The following SLC3A1 variants were observed in gnomAD, a reference collection of about 807,000 sequenced individuals.
The protein encoded by SLC3A1 is amino acid transporter heavy chain SLC3A1.
Under a neutral mutation model 60.3 loss-of-function variants are expected in SLC3A1, and 78 were observed. The observed-to-expected ratio is 1.29, with a 90% CI of 1.08 to 1.56. The LOEUF (loss-of-function observed/expected upper bound fraction) is 1.56, where lower values mean the gene tolerates loss of function less well. Ranked by LOEUF, SLC3A1 falls within the 40% of genes most tolerant of loss-of-function variation. SLC3A1 has a pLI of 0.00. For synonymous variants in SLC3A1, 392 were observed against 307.9 expected, an observed-to-expected ratio of 1.27 and a Z score of -2.86; for missense variants, 1,172 against 858.9, an observed-to-expected ratio of 1.36 and a Z score of -4.56.
chr2:44,297,014 T>A (rs1671867235), intron 4 of SLC3A1, among the ~76,000 whole-genome samples: 2 of 152,158 alleles, frequency 1.3e-5, no homozygotes, highest in African/African-American at 2.4e-5. Context: ...TAAACAGCTT[T>A]ACAAATTACC....
chr2:44,303,419 T>G (rs1351504451), intron 6 of SLC3A1, among the ~76,000 whole-genome samples: 1 of 151,656 alleles, frequency 6.6e-6, no homozygotes, highest in African/African-American at 2.4e-5. Flanking sequence ...TTTGTATATT[T>G]GGTAGAGATG....
chr2:44,307,166 G>T (rs1040556719), intron 7 of SLC3A1, among the ~76,000 whole-genome samples: 1 of 152,176 alleles, frequency 6.6e-6, no homozygotes, highest in Non-Finnish European at 1.5e-5. Context: ...CCATGTTGTA[G>T]TATGTCTCAG....
intron 4 of SLC3A1, among the ~76,000 whole-genome samples, chr2:44,293,053 T>C (rs1671773791): frequency 1.3e-5 from 2 of 152,056 alleles, no homozygotes; most frequent in Admixed American, 6.6e-5. Flanking sequence ...AGAGAAATCA[T>C]CAGGGCTCTG....
chr2:44,287,050 C>T (rs1369551324), intron 4 of SLC3A1, among the ~76,000 whole-genome samples: 8 of 152,144 alleles, frequency 5.3e-5, no homozygotes, highest in Non-Finnish European at 1.2e-4. Context: ...CTTCTGTACT[C>T]ATTGAGTAAA....
rs200483989 is a variant in SLC3A1 at position 44,286,074 on chromosome 2, C to T, written c.808C>T (p.Arg270Ter). 1.9e-4 allele frequency: 300 copies of T among 1,613,664 alleles called. 1 individual carries two copies. Among genetic ancestry groups the T allele is most frequent in the Middle Eastern group, 1.6e-4 (1 of 6,082 alleles). Residue 270 changes from arginine to a stop codon, truncating the protein, a stop_gained, in exon 4 of 10, where the codon CGA becomes TGA. Coordinates refer to ENST00000260649, the MANE Select transcript of SLC3A1 (RefSeq NM_000341.4). LOFTEE classifies it high-confidence loss of function. ...GNSSWHFDEVRNQCYFHQFMK... is the reference protein window; with the variant it reads ...GNSSWHFDEV The stretch of plus-strand genomic sequence containing the variant: ...CTCCAGTTGGCACTTTGACGAAGTG[C>T]GAAACCAATGTTATTTTCATCAGTT...
intron 5 of SLC3A1, 68 bp from the exon 6 acceptor site, chr2:44,300,935 C>T (rs1485255934): frequency 6.3e-7 from 1 of 1,599,534 alleles, no homozygotes; most frequent in Non-Finnish European, 8.6e-7. Context: ...TGTCTACATT[C>T]ATATAGAGCG....
chr2:44,285,496 G>A (rs1292147490), intron 3 of SLC3A1: 46 of 362,152 alleles, frequency 1.3e-4, no homozygotes, highest in Non-Finnish European at 2.2e-5. Flanking sequence ...GAGGAGACCA[G>A]CGACATCGTC....
chr2:44,301,057 G>T lies in SLC3A1; in HGVS notation c.1066G>T (p.Gly356Ter). The stretch of plus-strand genomic sequence containing the variant: ...CCATGACTTCACCACCACGCAGGTG[G>T]GAATGCACGACATTGTCCGCAGCTT... ...LYHDFTTTQV[G>*]MHDIVRSFRQ... The change falls in exon 6 of 10, where the codon GGA becomes TGA. Residue 356 changes from glycine to a stop codon, truncating the protein, a stop_gained. Coordinates refer to ENST00000260649, the MANE Select transcript of SLC3A1 (RefSeq NM_000341.4). LOFTEE classifies it high-confidence loss of function. The T allele has an allele frequency of 6.2e-7, 1 of 1,614,146 alleles. No homozygotes were observed. Among genetic ancestry groups the T allele is most frequent in the Non-Finnish European group, 8.5e-7 (1 of 1,180,036 alleles).
At chr2:44,292,842 C>T (rs147598980) in intron 4 of SLC3A1, among the ~76,000 whole-genome samples, 4 of 152,152 alleles carry the variant, frequency 2.6e-5, no homozygotes, top group Non-Finnish European at 4.4e-5. Context: ...ACTGAAGGCC[C>T]TGGTAAGGAT....
chr2:44,315,921 G>A (rs1178748627), intron 9 of SLC3A1, among the ~76,000 whole-genome samples: 1 of 152,144 alleles, frequency 6.6e-6, no homozygotes, highest in Non-Finnish European at 1.5e-5. Flanking sequence ...CTGTCCCCTG[G>A]CGAGAATTCA....
At chr2:44,292,053 T>C (rs763028473) in intron 4 of SLC3A1, among the ~76,000 whole-genome samples, 60 of 152,306 alleles carry the variant, frequency 3.9e-4, no homozygotes, top group Middle Eastern at 3.4e-3. Context: ...GTCCTCCACA[T>C]TTCTTATTTG....
intron 3 of SLC3A1, among the ~76,000 whole-genome samples, chr2:44,284,445 C>T (rs1671568327): frequency 6.6e-6 from 1 of 152,192 alleles, no homozygotes; most frequent in African/African-American, 2.4e-5. Flanking sequence ...CTCAGCTCTA[C>T]AGGATAGTGT....
chr2:44,321,426 A>C lies in SLC3A1; in HGVS notation c.*787A>C, dbSNP rs1327380063. ...GTCAAGTCCAAGTTCCTCGTACAGGAATTTAATTTGGGCTGTAATCTAAAA... is the reference window on the plus strand; with the variant it reads ...GTCAAGTCCAAGTTCCTCGTACAGGCATTTAATTTGGGCTGTAATCTAAAA... On this transcript the variant is annotated 3_prime_UTR_variant, in exon 10 of 10. Coordinates refer to ENST00000260649, the MANE Select transcript of SLC3A1 (RefSeq NM_000341.4). The C allele has an allele frequency of 1.9e-6, 3 of 1,612,822 alleles. No homozygotes were observed. Among genetic ancestry groups the C allele is most frequent in the Non-Finnish European group, 2.5e-6 (3 of 1,179,144 alleles).
downstream of SLC3A1, chr2:44,321,576 CGA>C: frequency 3.3e-6 from 5 of 1,494,974 alleles, no homozygotes; most frequent in Middle Eastern, 1.9e-4. Context: ...TACTTTCATT[CGA>C]GAGAGAGGCA....
At chr2:44,319,525 CAG>C (rs982951098) in intron 9 of SLC3A1, 5 of 152,202 alleles carry the variant, frequency 3.3e-5, no homozygotes, top group African/African-American at 9.7e-5. Flanking sequence ...TAGTCAATAA[CAG>C]AAAATGCTTG....
chr2:44,318,239 C>G (rs1054619523), intron 9 of SLC3A1: 1 of 333,270 alleles, frequency 3.0e-6, no homozygotes, highest in South Asian at 2.2e-5. Flanking sequence ...TACAGGTGCA[C>G]GTCATTATGC....
In SLC3A1 at chr2:44,320,593, G is replaced by T; in HGVS notation, c.2012G>T (p.Arg671Leu). 1 of 1,613,876 alleles carries T rather than the reference G, an allele frequency of 6.2e-7. No homozygotes were observed. Among genetic ancestry groups the T allele is most frequent in the Non-Finnish European group, 8.5e-7 (1 of 1,179,936 alleles). ...AFRDRCFVSNRACYSSVLNIL... is the reference protein window; with the variant it reads ...AFRDRCFVSNLACYSSVLNIL... ...AGAGATAGATGCTTTGTTTCCAATC[G>T]AGCATGCTATTCCAGTGTACTGAAC... The change falls in exon 10 of 10, where the codon CGA (arginine) becomes CTA (leucine). Residue 671 changes from arginine to leucine, a missense_variant. Coordinates refer to ENST00000260649, the MANE Select transcript of SLC3A1 (RefSeq NM_000341.4).
intron 9 of SLC3A1, 118 bp downstream of exon 9, chr2:44,314,069 C>T (rs1481674503): frequency 6.4e-7 from 1 of 1,558,138 alleles, no homozygotes; most frequent in Admixed American, 1.9e-5. Flanking sequence ...AAATCAATCA[C>T]AGACTTCCTT....
At chr2:44,314,589 C>G (rs1672380273) in intron 9 of SLC3A1, 1 of 90,454 alleles carries the variant, frequency 1.1e-5, no homozygotes, top group African/African-American at 6.0e-5. Flanking sequence ...ATAGCACCCT[C>G]TGCCACACAC....
Sources: allele counts gnomAD v4.1 joint callset (sites outside exome capture counted in the v4.1 genomes callset), GRCh38; gene constraint gnomAD v4.1.1; transcripts MANE v1.5; gene names NCBI Gene and HGNC (gene_info 2026-07-23, HGNC 2026-07-21).